Variants in CHN2 observed in about 807,000 individuals in gnomAD.
The protein encoded by CHN2 is beta-chimaerin.
A neutral mutation model predicts 56.3 loss-of-function variants in CHN2; 35 were observed. That is an observed-to-expected ratio of 0.62 (90% CI 0.47 to 0.82). The LOEUF (loss-of-function observed/expected upper bound fraction) is 0.82. Among genes scored for constraint, CHN2 ranks in the 40% least tolerant of loss-of-function variants. The pLI is 0.00. For synonymous variants in CHN2, 210 were observed against 212.8 expected (o/e 0.99, Z 0.12); for missense variants, 491 against 580.5 (o/e 0.85, Z 1.58).
chr7:29,448,504 G>T (rs533124065), intron 6 of CHN2, among the ~76,000 whole-genome samples: 1 of 152,180 alleles, frequency 6.6e-6, no homozygotes, highest in Admixed American at 6.5e-5. Flanking sequence ...TTCTTCACCA[G>T]CTACCCCACC....
At chr7:29,293,904 TCGC>T (rs1792896631) in intron 1 of CHN2, among the ~76,000 whole-genome samples, 1 of 138,768 alleles carries the variant, frequency 7.2e-6, no homozygotes, top group Non-Finnish European at 1.5e-5. Flanking sequence ...TCTCGCTGTG[TCGC>T]CCAGGCTGGA....
chr7:29,183,747 G>A (rs768863019), intron 2 of CHN2, among the ~76,000 whole-genome samples: 12 of 151,924 alleles, frequency 7.9e-5, no homozygotes, highest in Non-Finnish European at 1.2e-4. Flanking sequence ...ATATATAGAA[G>A]ATATATGTAT....
At chr7:29,464,502 G>A (rs1464886646) in intron 6 of CHN2, among the ~76,000 whole-genome samples, 1 of 152,206 alleles carries the variant, frequency 6.6e-6, no homozygotes, top group Non-Finnish European at 1.5e-5. Context: ...GTTTACCTAT[G>A]TCACAAACCT....
chr7:29,422,995 T>C (rs1174505491), intron 6 of CHN2, among the ~76,000 whole-genome samples: 1 of 152,252 alleles, frequency 6.6e-6, no homozygotes, highest in Non-Finnish European at 1.5e-5. Context: ...ACTTGACTTG[T>C]TAATTCTACT....
chr7:29,385,009 T>G (rs1040804195), intron 3 of CHN2, among the ~76,000 whole-genome samples: 10 of 152,296 alleles, frequency 6.6e-5, no homozygotes, highest in Non-Finnish European at 1.3e-4. Context: ...TTCTTTAGTG[T>G]TTTTTGTAGT....
chr7:29,442,934 C>CTTTTTTTTTTTCTTTTT lies in CHN2; in HGVS notation c.577-37334_577-37333insCTTTTTTTTTTTTTTTT, dbSNP rs564931650. 4.9e-4 allele frequency among the ~76,000 whole-genome samples: 50 copies of CTTTTTTTTTTTCTTTTT among 103,046 alleles called. 4 individuals carry two copies. The highest frequency in any genetic ancestry group is 7.6e-4 in the African/African-American group (16 of 21,040). The allele number at this position is 103,046 out of a possible 152,430, so 67.6% of individuals were successfully genotyped here. A position where few individuals can be genotyped will look rare whatever the true frequency, so the allele number is the denominator to read the frequency against. ...CATCGCTTTCAATTTCATTGAATTTCTTTTTTTTTTTTTTTTTGAGACGGA... is the reference window on the plus strand; with the variant it reads ...CATCGCTTTCAATTTCATTGAATTTCTTTTTTTTTTTCTTTTTTTTTTTTTTTTTTTTTTGAGACGGA... On this transcript the variant is annotated intron_variant, in intron 6 of 12. Coordinates refer to ENST00000222792, the MANE Select transcript of CHN2 (RefSeq NM_004067.4).
Position 29,512,909 on chromosome 7 carries a change from T to A in CHN2, c.*174T>A. 1 of 623,374 alleles carries A rather than the reference T, an allele frequency of 1.6e-6. No individual in the cohort carries two copies. The highest frequency in any genetic ancestry group is 2.7e-6 in the Non-Finnish European group (1 of 374,946). 38.6% of individuals were successfully genotyped at this position (623,374 alleles called of 1,614,324 possible). Reference sequence around the variant, plus strand: ...CTCATAGACATGCGCCACCTCCACGTGAGAACAAGGGTGAAGGTGAGGGAA... The same window carrying A: ...CTCATAGACATGCGCCACCTCCACGAGAGAACAAGGGTGAAGGTGAGGGAA... On this transcript the variant is annotated 3_prime_UTR_variant, in exon 13 of 13. Coordinates refer to ENST00000222792, the MANE Select transcript of CHN2 (RefSeq NM_004067.4).
chr7:29,150,940 CTG>C (rs1456970757), intron 2 of CHN2, among the ~76,000 whole-genome samples: 1 of 152,126 alleles, frequency 6.6e-6, no homozygotes, highest in Non-Finnish European at 1.5e-5. Context: ...CAAAACAACA[CTG>C]TGCTATTAAA....
In CHN2 at chr7:29,487,419, A is replaced by G. The variant is rs139515694; in HGVS notation, c.654+7063A>G. Among the ~76,000 whole-genome samples the G allele has an allele frequency of 4.6e-3, 696 of 152,328 alleles. 5 individuals are homozygous for G. Among genetic ancestry groups the G allele is most frequent in the Non-Finnish European group, 8.0e-3 (541 of 68,026 alleles). ...ATGTTGTTTCTGCTCCCAGAGTGCTATGAAGAGGAGTTGTTTTTGTCTACC... is the reference window on the plus strand; with the variant it reads ...ATGTTGTTTCTGCTCCCAGAGTGCTGTGAAGAGGAGTTGTTTTTGTCTACC... On this transcript the variant is annotated intron_variant, in intron 7 of 12. Transcript: ENST00000222792.
chr7:29,265,249 G>C (rs1790042439), intron 1 of CHN2, among the ~76,000 whole-genome samples: 1 of 152,160 alleles, frequency 6.6e-6, no homozygotes, highest in East Asian at 1.9e-4. Context: ...CCTCCTGACT[G>C]TGCAGTCTCC....
chr7:29,412,252 C>CAT (rs978058882), intron 6 of CHN2, among the ~76,000 whole-genome samples: 27 of 148,784 alleles, frequency 1.8e-4, no homozygotes, highest in African/African-American at 5.2e-4. Flanking sequence ...GGCTCCACAA[C>CAT]ATATATATAT....
At chr7:29,155,937 G>A (rs1487479720) in intron 2 of CHN2, among the ~76,000 whole-genome samples, 2 of 152,216 alleles carry the variant, frequency 1.3e-5, no homozygotes, top group Non-Finnish European at 2.9e-5. Context: ...TAGATCTAGA[G>A]ACGGCCACGT....
At chr7:29,388,344 A>G (rs1025797101) in intron 3 of CHN2, among the ~76,000 whole-genome samples, 3 of 152,212 alleles carry the variant, frequency 2.0e-5, no homozygotes, top group Non-Finnish European at 4.4e-5. Flanking sequence ...GGAGACATGT[A>G]AAAGGAGCTC....
rs562019900 is a variant in CHN2 at position 29,220,912 on chromosome 7, T to TA, written c.49+25926dup. 1.5e-3 allele frequency among the ~76,000 whole-genome samples: 234 copies of TA among 152,278 alleles called. 1 individual carries two copies. Among genetic ancestry groups the TA allele is most frequent in the African/African-American group, 5.3e-3 (219 of 41,566 alleles). On this transcript the variant is annotated intron_variant, in intron 1 of 12. Coordinates refer to ENST00000222792, the MANE Select transcript of CHN2 (RefSeq NM_004067.4). ...TTAGCAAATCAAGTTCAGGGATATG[T>TA]AAAAGAATATGTCATGATCAGATGG...
At position 29,511,202 on chromosome 7, in the gene CHN2, A is replaced by G. The variant is rs562739713; in HGVS notation, c.1236-1362A>G. On this transcript the variant is annotated intron_variant, in intron 12 of 12. Transcript: ENST00000222792. ...TGAGATTTTTATTTTTCTACCTTAT[A>G]AGACATACAAGAAGACATACAATAT... Among the ~76,000 whole-genome samples the G allele has an allele frequency of 8.8e-4, 125 of 142,718 alleles. 1 individual carries two copies. The highest frequency in any genetic ancestry group is 1.7e-3 in the Non-Finnish European group (112 of 66,712). 93.6% of individuals were successfully genotyped at this position (142,718 alleles called of 152,430 possible). A position where few individuals can be genotyped will look rare whatever the true frequency, so the allele number is the denominator to read the frequency against.
chr7:29,410,358 ATGTT>A (rs1330174253), intron 6 of CHN2, among the ~76,000 whole-genome samples: 5 of 151,986 alleles, frequency 3.3e-5, no homozygotes, highest in Non-Finnish European at 5.9e-5. Flanking sequence ...TAAAATATTA[ATGTT>A]TGTTTATTAG....
chr7:29,507,930 G>C (rs991876797), intron 11 of CHN2, among the ~76,000 whole-genome samples: 2 of 152,148 alleles, frequency 1.3e-5, no homozygotes, highest in East Asian at 3.8e-4. Context: ...AGACAAGCTT[G>C]GTCTAGATTA....
At chr7:29,238,540 G>A (rs1371721357) in intron 1 of CHN2, among the ~76,000 whole-genome samples, 1 of 152,106 alleles carries the variant, frequency 6.6e-6, no homozygotes, top group African/African-American at 2.4e-5. Context: ...CGAGGGTATG[G>A]TAGTTAACAA....
rs773163524 is a variant in CHN2 at position 29,512,702 on chromosome 7, G to A, written c.1374G>A (p.Gln458=). The part of the protein sequence containing the change: ...HDMRYQKLIV[Q]ILIENEDVLF ...TGCGGTACCAAAAGCTGATTGTGCAGATTTTAATAGAAAACGAAGACGTTT... is the reference window on the plus strand; with the variant it reads ...TGCGGTACCAAAAGCTGATTGTGCAAATTTTAATAGAAAACGAAGACGTTT... Residue 458 remains glutamine, a synonymous_variant, in exon 13 of 13, where the codon CAG becomes CAA. Transcript: ENST00000222792. The A allele has an allele frequency of 1.2e-6, 2 of 1,614,064 alleles. No individual in the cohort carries two copies. The highest frequency in any genetic ancestry group is 1.3e-5 in the African/African-American group (1 of 74,936).
Sources: allele counts gnomAD v4.1 joint callset (sites outside exome capture counted in the v4.1 genomes callset), GRCh38; gene constraint gnomAD v4.1.1; transcripts MANE v1.5; gene names NCBI Gene and HGNC (gene_info 2026-07-23, HGNC 2026-07-21).